FAM204A: variants seen among roughly 807,000 people sequenced by gnomAD.
FAM204A encodes family with sequence similarity 204 member A.
A neutral mutation model predicts 35.4 loss-of-function variants in FAM204A; 16 were observed. The observed-to-expected ratio is 0.45, with a 90% CI of 0.31 to 0.69. The LOEUF (loss-of-function observed/expected upper bound fraction) is 0.69, where lower values mean the gene tolerates loss of function less well. FAM204A is among the 30% of genes least tolerant of loss of function. The probability of loss-of-function intolerance (pLI) is 0.07; values close to 1 mark genes in which losing one functional copy is unlikely to be tolerated. For missense variants in FAM204A, 240 were observed against 265.7 expected (o/e 0.90, Z 0.67); for synonymous variants, 76 against 86.9 (o/e 0.88, Z 0.70).
chr10:118,307,194 A>G lies in FAM204A; in HGVS notation c.*3663T>C, dbSNP rs1004518285. The G allele has an allele frequency of 6.6e-6, 1 of 152,222 alleles. No homozygotes were observed. Among genetic ancestry groups the G allele is most frequent in the African/African-American group, 2.4e-5 (1 of 41,446 alleles). The allele number at this position is 152,222 out of a possible 1,614,324, so 9.4% of individuals were successfully genotyped here. On this transcript the variant is annotated 3_prime_UTR_variant, in exon 9 of 9. Transcript: ENST00000369183. ...GGGTTTACACAGCCTTCAACTTTTC[A>G]AAGTATTTTTCGACCCGTCACCATG...
In FAM204A at chr10:118,311,330, A is replaced by AG. The variant is rs1554872383; in HGVS notation, c.544-18dup. The stretch of plus-strand genomic sequence containing the variant: ...TACACCAAGCTAAGAATTACAAAGG[A>AG]GAAAAAAAAAGTGAAAATAAATATT... On this transcript the variant is annotated splice_polypyrimidine_tract_variant and intron_variant, in intron 7 of 8. Coordinates refer to ENST00000369183, the MANE Select transcript of FAM204A (RefSeq NM_022063.3). The AG allele has an allele frequency of 3.2e-3, 4,293 of 1,359,398 alleles. 15 individuals carry two copies. The highest frequency in any genetic ancestry group is 3.7e-3 in the Non-Finnish European group (3,706 of 1,013,952). 84.2% of individuals were successfully genotyped at this position (1,359,398 alleles called of 1,614,324 possible). A position where few individuals can be genotyped will look rare whatever the true frequency, so the allele number is the denominator to read the frequency against.
chr10:118,333,669 A>T (rs1846327246), intron 6 of FAM204A, among the ~76,000 whole-genome samples: 1 of 152,296 alleles, frequency 6.6e-6, no homozygotes, highest in South Asian at 2.1e-4. Flanking sequence ...GTTTATTTGT[A>T]GAATATTAAA....
At chr10:118,314,090 T>C (rs542348767) in intron 7 of FAM204A, among the ~76,000 whole-genome samples, 63 of 152,336 alleles carry the variant, frequency 4.1e-4, no homozygotes, top group Non-Finnish European at 7.5e-4. Flanking sequence ...TGTTCCTTAA[T>C]ACAGTATATG....
In FAM204A at chr10:118,298,538, C is replaced by A. The variant is rs1564749188; in HGVS notation, c.*12319G>T. ...CTTTGGATACCATGATCTTAGCTAT[C>A]TGCAAAGCTGACCAGGGCTAGAACT... On this transcript the variant is annotated 3_prime_UTR_variant, in exon 9 of 9. Transcript: ENST00000369183. The A allele has an allele frequency of 6.6e-6, 1 of 152,212 alleles. No individual in the cohort carries two copies. The highest frequency in any genetic ancestry group is 1.5e-5 in the Non-Finnish European group (1 of 68,046). The allele number at this position is 152,212 out of a possible 1,614,324, so 9.4% of individuals were successfully genotyped here.
At chr10:118,314,579 A>C (rs1380302163) in intron 7 of FAM204A, among the ~76,000 whole-genome samples, 1 of 152,228 alleles carries the variant, frequency 6.6e-6, no homozygotes, top group Non-Finnish European at 1.5e-5. Context: ...TATTACAAAC[A>C]AATAAAATAG....
rs758768544 is a variant in FAM204A, at chr10:118,311,193, T to C, written c.650+14A>G. The C allele has an allele frequency of 5.6e-6, 9 of 1,599,224 alleles. No individual in the cohort carries two copies. Among genetic ancestry groups the C allele is most frequent in the Non-Finnish European group, 7.7e-6 (9 of 1,174,926 alleles). ...GTCAGGAGATTTACTACCAAAAATC[T>C]TAAGTAAACTCACCCCCATGCAAGT... On this transcript the variant is annotated intron_variant, in intron 8 of 8. Coordinates refer to ENST00000369183, the MANE Select transcript of FAM204A (RefSeq NM_022063.3).
chr10:118,328,818 A>C (rs1203458283), intron 6 of FAM204A, among the ~76,000 whole-genome samples: 1 of 151,870 alleles, frequency 6.6e-6, no homozygotes, highest in Non-Finnish European at 1.5e-5. Context: ...ACTACCCACT[A>C]TCTCCTCTGG....
intron 7 of FAM204A, among the ~76,000 whole-genome samples, chr10:118,319,936 G>C (rs1011130258): frequency 7.2e-5 from 11 of 151,860 alleles, no homozygotes; most frequent in African/African-American, 2.4e-4. Flanking sequence ...TAATCTTTAA[G>C]GGCATAAAAA....
rs1424742945 is a variant in FAM204A at position 118,307,600 on chromosome 10, C to T, written c.*3257G>A. On this transcript the variant is annotated 3_prime_UTR_variant, in exon 9 of 9. Coordinates refer to ENST00000369183, the MANE Select transcript of FAM204A (RefSeq NM_022063.3). ...ACTCTCATTTTGTTTAAACAACAAC[C>T]TCATACAATATGTTTTATATTTAGC... 6.6e-6 allele frequency: 1 copy of T among 152,152 alleles called. No individual in the cohort carries two copies. Among genetic ancestry groups the T allele is most frequent in the Non-Finnish European group, 1.5e-5 (1 of 68,032 alleles). 9.4% of individuals were successfully genotyped at this position (152,152 alleles called of 1,614,324 possible).
intron 2 of FAM204A, among the ~76,000 whole-genome samples, chr10:118,339,348 T>C (rs1846437614): frequency 1.3e-5 from 2 of 152,222 alleles, no homozygotes; most frequent in Admixed American, 1.3e-4. Context: ...TCATAGCATA[T>C]ACTTGTCATT....
chr10:118,304,352 C>A lies in FAM204A; in HGVS notation c.*6505G>T, dbSNP rs1845839709. 1 of 152,162 alleles carries A rather than the reference C, an allele frequency of 6.6e-6. No homozygotes were observed. Among genetic ancestry groups the A allele is most frequent in the African/African-American group, 2.4e-5 (1 of 41,402 alleles). 9.4% of individuals were successfully genotyped at this position (152,162 alleles called of 1,614,324 possible). Reference sequence around the variant, plus strand: ...AAATGTCTAACTCTATATTACTAAACTACTAATATAACATTACTCTTTAAA... The same window carrying A: ...AAATGTCTAACTCTATATTACTAAAATACTAATATAACATTACTCTTTAAA... On this transcript the variant is annotated 3_prime_UTR_variant, in exon 9 of 9. Coordinates refer to ENST00000369183, the MANE Select transcript of FAM204A (RefSeq NM_022063.3).
Position 118,326,242 on chromosome 10 carries a change from G to A in FAM204A, c.455C>T (p.Ser152Leu). The change falls in exon 7 of 9, where the codon TCA (serine) becomes TTA (leucine). Residue 152 changes from serine to leucine, a missense_variant and splice_region_variant. Physicochemically the swap from Ser to Leu is moderately radical, Grantham distance 145. This residue lies in a region of FAM204A where 232 missense variants were observed against 242.8 expected (regional missense o/e 0.96). Transcript: ENST00000369183. The part of the protein sequence containing the change: ...PPVKRKKVEK[S>L]GLEKRIDQAV... ...CTGGTCTATCCTCTTTTCAAGGCCT[G>A]ACTAGAAAAAAAAGAAACCTAAAAT... 6.2e-7 allele frequency: 1 copy of A among 1,610,856 alleles called. No individual in the cohort carries two copies. The highest frequency in any genetic ancestry group is 2.2e-5 in the East Asian group (1 of 44,776).
intron 7 of FAM204A, among the ~76,000 whole-genome samples, chr10:118,312,283 C>G (rs1845965049): frequency 6.6e-6 from 1 of 152,150 alleles, no homozygotes; most frequent in Admixed American, 6.5e-5. Context: ...TTGTACTCAC[C>G]TGATGCATAT....
At chr10:118,332,173 G>GCAAAAAAAAAAA (rs537364706) in intron 6 of FAM204A, among the ~76,000 whole-genome samples, 1 of 54,158 alleles carries the variant, frequency 1.8e-5, no homozygotes, top group Non-Finnish European at 3.2e-5. Flanking sequence ...CTCTGTTTCA[G>GCAAAAAAAAAAA]AAAAAAAAAA....
intron 7 of FAM204A, among the ~76,000 whole-genome samples, chr10:118,317,324 C>T (rs1846046997): frequency 6.6e-6 from 1 of 152,000 alleles, no homozygotes. Flanking sequence ...AAAGAGAAAA[C>T]ATGCTGATTA....
rs540564491 is a variant in FAM204A, at chr10:118,298,926, G to C, written c.*11931C>G. 6.6e-5 allele frequency: 10 copies of C among 152,174 alleles called. No individual in the cohort carries two copies. Among genetic ancestry groups the C allele is most frequent in the Non-Finnish European group, 1.0e-4 (7 of 68,020 alleles). The allele number at this position is 152,174 out of a possible 1,614,324, so 9.4% of individuals were successfully genotyped here. On this transcript the variant is annotated 3_prime_UTR_variant, in exon 9 of 9. Transcript: ENST00000369183. ...AAAACAATCTAAGAAGGCAGATAAT[G>C]TTTAATGGAAAAGGGCAGCGATGGA...
chr10:118,320,460 AATG>A (rs998439767), intron 7 of FAM204A, among the ~76,000 whole-genome samples: 3 of 151,978 alleles, frequency 2.0e-5, no homozygotes, highest in Non-Finnish European at 4.4e-5. Flanking sequence ...TGGCATTTTC[AATG>A]ATCATTATCA....
chr10:118,327,334 G>C (rs577212466), intron 6 of FAM204A, among the ~76,000 whole-genome samples: 1 of 152,156 alleles, frequency 6.6e-6, no homozygotes, highest in Non-Finnish European at 1.5e-5. Context: ...GCCTAAAAAG[G>C]TTACAGAAAT....
Position 118,303,943 on chromosome 10 carries a change from A to G in FAM204A, c.*6914T>C, listed in dbSNP as rs577701813. 1 of 152,140 alleles carries G rather than the reference A, an allele frequency of 6.6e-6. No homozygotes were observed. The highest frequency in any genetic ancestry group is 1.5e-5 in the Non-Finnish European group (1 of 68,044). 9.4% of individuals were successfully genotyped at this position (152,140 alleles called of 1,614,324 possible). A position where few individuals can be genotyped will look rare whatever the true frequency, so the allele number is the denominator to read the frequency against. On this transcript the variant is annotated 3_prime_UTR_variant, in exon 9 of 9. Coordinates refer to ENST00000369183, the MANE Select transcript of FAM204A (RefSeq NM_022063.3). ...CCTCATGGGCTTTGCTCCCTCCCTT[A>G]CAAATGTTTCCTGAAGTGCATACTT...
Sources: allele counts gnomAD v4.1 joint callset (sites outside exome capture counted in the v4.1 genomes callset), GRCh38; gene constraint gnomAD v4.1.1; regional missense constraint gnomAD v4.1.1; transcripts MANE v1.5; gene names NCBI Gene and HGNC (gene_info 2026-07-23, HGNC 2026-07-21).